The following VPS13A variants were observed in gnomAD, a reference collection of about 807,000 sequenced individuals.
The protein encoded by VPS13A is intermembrane lipid transfer protein VPS13A.
VPS13A carries 264 observed loss-of-function variants against 390.9 expected under a neutral mutation model. That is an observed-to-expected ratio of 0.68 (90% CI 0.61 to 0.75). VPS13A has a LOEUF of 0.75. Among genes scored for constraint, VPS13A ranks in the 30% least tolerant of loss-of-function variants. The pLI, the probability that VPS13A is intolerant of heterozygous loss-of-function variation, is 0.00. For missense variants in VPS13A, 3,409 were observed against 3,733.9 expected (o/e 0.91, Z 2.27); for synonymous variants, 1,231 against 1,227.1 (o/e 1.00, Z -0.07).
At chr9:77,395,350 CACAT>C (rs1834079141) in intron 68 of VPS13A, among the ~76,000 whole-genome samples, 1 of 152,124 alleles carries the variant, frequency 6.6e-6, no homozygotes, top group South Asian at 2.1e-4. Flanking sequence ...AGTCAGAACA[CACAT>C]TTATAGATTA....
intron 20 of VPS13A, among the ~76,000 whole-genome samples, chr9:77,248,512 C>G (rs1426221192): frequency 2.0e-5 from 3 of 152,100 alleles, no homozygotes; most frequent in Admixed American, 6.6e-5. Flanking sequence ...GCCACCATGC[C>G]TGACCCTTTT....
chr9:77,337,604 A>C (rs1830606017), intron 47 of VPS13A, 67 bp downstream of exon 47: 2 of 1,495,836 alleles, frequency 1.3e-6, no homozygotes, highest in Admixed American at 3.6e-5. Flanking sequence ...TAAGATTAAG[A>C]TCAATAAAAA....
chr9:77,291,330 A>G (rs1480839602), intron 31 of VPS13A, among the ~76,000 whole-genome samples: 1 of 152,132 alleles, frequency 6.6e-6, no homozygotes, highest in Non-Finnish European at 1.5e-5. Context: ...TTTTGTGGAA[A>G]AATTGTCTTC....
At chr9:77,318,854 A>G (rs547252408) in intron 41 of VPS13A, among the ~76,000 whole-genome samples, 107 of 152,130 alleles carry the variant, frequency 7.0e-4, no homozygotes, top group Non-Finnish European at 1.0e-3. Flanking sequence ...TAAAGATAAT[A>G]TATTATTCGA....
chr9:77,339,355 A>T (rs1428625887), intron 47 of VPS13A, among the ~76,000 whole-genome samples, 161 bp from the exon 48 acceptor site: 1 of 152,196 alleles, frequency 6.6e-6, no homozygotes, highest in East Asian at 1.9e-4. Context: ...AGAGGTTTAC[A>T]CAGTTGACAA....
At chr9:77,219,839 A>T (rs1050716787) in intron 10 of VPS13A, 115 bp from the exon 11 acceptor site, 27 of 1,056,804 alleles carry the variant, frequency 2.6e-5, no homozygotes, top group African/African-American at 4.7e-5. Flanking sequence ...AACATCTGGG[A>T]ACTGTAGAAG....
chr9:77,304,360 T>C lies in VPS13A; in HGVS notation c.3960+1298T>C, dbSNP rs138514014. ...ACAACATCTCTGCAAAGTAATTGTT[T>C]AAAGTACAGGTCTTTTTCAAAATGG... On this transcript the variant is annotated intron_variant, in intron 34 of 71. Transcript: ENST00000360280. 6.3e-3 allele frequency among the ~76,000 whole-genome samples: 962 copies of C among 152,254 alleles called. 3 individuals are homozygous for C. The highest frequency in any genetic ancestry group is 9.9e-3 in the Non-Finnish European group (672 of 68,030).
chr9:77,302,900 T>C lies in VPS13A; in HGVS notation c.3813-15T>C, dbSNP rs145835861. On this transcript the variant is annotated splice_polypyrimidine_tract_variant and intron_variant, in intron 33 of 71. Coordinates refer to ENST00000360280, the MANE Select transcript of VPS13A (RefSeq NM_033305.3). ...TATATGAAACAATTTAAAAGAATGT[T>C]ATCTCTACTTATAGATCTCGATTTA... The C allele has an allele frequency of 1.1e-3, 1,785 of 1,608,824 alleles. 26 individuals are homozygous for C. The African/African-American group carries it at 0.021, about 19-fold the overall frequency.
chr9:77,358,159 T>C (rs1217507720), intron 56 of VPS13A, among the ~76,000 whole-genome samples, 198 bp from the exon 57 acceptor site: 2 of 151,862 alleles, frequency 1.3e-5, no homozygotes, highest in Non-Finnish European at 2.9e-5. Flanking sequence ...TTTCACCATG[T>C]GGGCCAGGCT....
chr9:77,414,388 A>T (rs1366017221), intron 71 of VPS13A, among the ~76,000 whole-genome samples: 1 of 152,140 alleles, frequency 6.6e-6, no homozygotes, highest in Non-Finnish European at 1.5e-5. Flanking sequence ...GCACATATAC[A>T]CCATGGAATA....
intron 67 of VPS13A, among the ~76,000 whole-genome samples, chr9:77,378,175 T>A (rs751322379): frequency 1.3e-5 from 2 of 152,206 alleles, no homozygotes; most frequent in African/African-American, 4.8e-5. Flanking sequence ...CCTCACAGAA[T>A]GATTTAGGAA....
At chr9:77,241,593 G>C (rs1054470304) in intron 19 of VPS13A, among the ~76,000 whole-genome samples, 1 of 151,966 alleles carries the variant, frequency 6.6e-6, no homozygotes, top group African/African-American at 2.4e-5. Flanking sequence ...TTATGGTAAC[G>C]TGTGTCTTTT....
intron 68 of VPS13A, chr9:77,382,579 C>T: frequency 9.0e-7 from 1 of 1,115,464 alleles, no homozygotes; most frequent in Non-Finnish European, 1.1e-6. Flanking sequence ...GTTATTAAAC[C>T]ACTGGTAGCT....
At chr9:77,246,940 AGTT>A (rs1339892211) in intron 19 of VPS13A, among the ~76,000 whole-genome samples, 1 of 151,926 alleles carries the variant, frequency 6.6e-6, no homozygotes, top group African/African-American at 2.4e-5. Context: ...AGATTCTAAG[AGTT>A]GTTGTGAGTA....
In VPS13A at chr9:77,359,391, A is replaced by G; in HGVS notation, c.8094A>G (p.Ile2698Met). ...IVMRSAGHSQ[I>M]SRIKYFKVLI... The stretch of plus-strand genomic sequence containing the variant: ...TGAGATCTGCAGGACATTCCCAGAT[A>G]TCACGTATTAAGTAAGTGTCTTAAT... The change falls in exon 58 of 72, where the codon ATA (isoleucine) becomes ATG (methionine). Residue 2698 changes from isoleucine to methionine, a missense_variant. By Grantham distance (10) the Ile-to-Met change is conservative. Around this residue, in one of 5 missense-constraint regions of VPS13A, gnomAD observed 221 missense variants for 300.7 expected, o/e 0.73. Transcript: ENST00000360280. 6.2e-7 allele frequency: 1 copy of G among 1,612,346 alleles called. No homozygotes were observed. The highest frequency in any genetic ancestry group is 1.7e-4 in the Middle Eastern group (1 of 6,056).
intron 16 of VPS13A, 131 bp from the exon 17 acceptor site, chr9:77,227,991 G>A (rs1823617510): frequency 6.0e-6 from 4 of 662,726 alleles, no homozygotes; most frequent in East Asian, 3.3e-5. Context: ...TGGGGTCAAT[G>A]TGATGATTCT....
rs1380797211 is a variant in VPS13A, at chr9:77,295,665, A to G, written c.3631A>G (p.Ile1211Val). Residue 1211 changes from isoleucine (I) to valine (V), a missense_variant, in exon 33 of 72, where the codon ATT becomes GTT. Transcript: ENST00000360280. ...AAGGAGTTCCAGAATGGCACTGGAT[A>G]TTAACATCAAAGCCCCAGTTGTGGT... ...AQRSSRMALD[I>V]NIKAPVVVIP... 2.5e-6 allele frequency: 4 copies of G among 1,613,968 alleles called. No individual in the cohort carries two copies. Among genetic ancestry groups the G allele is most frequent in the African/African-American group, 2.7e-5 (2 of 74,918 alleles).
intron 1 of VPS13A, among the ~76,000 whole-genome samples, chr9:77,196,994 C>G (rs1003494229): frequency 6.6e-6 from 1 of 152,170 alleles, no homozygotes; most frequent in Non-Finnish European, 1.5e-5. Flanking sequence ...TCCACAGTCA[C>G]ACCAGCATTT....
chr9:77,295,293 A>T (rs1012801941), intron 32 of VPS13A, among the ~76,000 whole-genome samples: 2 of 152,130 alleles, frequency 1.3e-5, no homozygotes, highest in Non-Finnish European at 1.5e-5. Flanking sequence ...TATCTGTAAG[A>T]CATTCCAGTG....
Sources: allele counts gnomAD v4.1 joint callset (sites outside exome capture counted in the v4.1 genomes callset), GRCh38; gene constraint gnomAD v4.1.1; regional missense constraint gnomAD v4.1.1; transcripts MANE v1.5; gene names NCBI Gene and HGNC (gene_info 2026-07-23, HGNC 2026-07-21).